Variants in WNT7A observed in about 807,000 individuals in gnomAD.
WNT7A encodes protein Wnt-7a.
WNT7A carries 16 observed loss-of-function variants against 28.2 expected under a neutral mutation model. The observed-to-expected ratio is 0.57, with a 90% CI of 0.38 to 0.86. The LOEUF is 0.86. Among genes scored for constraint, WNT7A ranks in the 40% least tolerant of loss-of-function variants. WNT7A has a pLI of 0.00. For synonymous variants in WNT7A, 190 were observed against 195.9 expected, an observed-to-expected ratio of 0.97 and a Z score of 0.25; for missense variants, 411 against 489.7, an observed-to-expected ratio of 0.84 and a Z score of 1.52.
At chr3:13,862,077 CCT>C (rs1694840096) in intron 2 of WNT7A, among the ~76,000 whole-genome samples, 1 of 152,236 alleles carries the variant, frequency 6.6e-6, no homozygotes. Context: ...AAGGACTCTG[CCT>C]CTCTGAGTCT....
chr3:13,846,473 T>G (rs1694539845), intron 3 of WNT7A, among the ~76,000 whole-genome samples: 1 of 152,224 alleles, frequency 6.6e-6, no homozygotes, highest in African/African-American at 2.4e-5. Context: ...TTAACCTCTC[T>G]GTGCTTCCGT....
chr3:13,857,695 G>A (rs41344949), intron 2 of WNT7A, among the ~76,000 whole-genome samples: 4,143 of 152,022 alleles, frequency 0.027, 176 homozygotes, highest in South Asian at 0.18. Context: ...GCTCACACTC[G>A]AGAGTATCAA....
intron 3 of WNT7A, among the ~76,000 whole-genome samples, chr3:13,841,997 G>A (rs1259110594): frequency 1.3e-5 from 2 of 152,098 alleles, no homozygotes; most frequent in Admixed American, 6.6e-5. Flanking sequence ...AGGGACCTGG[G>A]GCAGGGACAT....
chr3:13,856,043 C>T (rs758007783), intron 2 of WNT7A, among the ~76,000 whole-genome samples: 28 of 152,306 alleles, frequency 1.8e-4, no homozygotes, highest in Middle Eastern at 3.4e-3. Flanking sequence ...GAGACAGACA[C>T]AAACAACTTG....
chr3:13,833,074 A>AC (rs1041395567), intron 3 of WNT7A, among the ~76,000 whole-genome samples: 2 of 150,774 alleles, frequency 1.3e-5, no homozygotes, highest in South Asian at 4.2e-4. Context: ...CTAGGCTCCT[A>AC]CCCCCCCAGT....
chr3:13,854,885 G>C, intron 2 of WNT7A, 82 bp from the exon 3 acceptor site: 1 of 1,577,898 alleles, frequency 6.3e-7, no homozygotes, highest in Admixed American at 1.7e-5. Context: ...TGAAGAGTGA[G>C]GCTGAGCTCA....
chr3:13,879,709 T>C, intron 1 of WNT7A, 37 bp downstream of exon 1: 1 of 1,606,808 alleles, frequency 6.2e-7, no homozygotes, highest in Non-Finnish European at 8.5e-7. Context: ...GCCAACTTTG[T>C]CGAAACACGC....
intron 3 of WNT7A, among the ~76,000 whole-genome samples, chr3:13,825,480 C>G (rs540968156): frequency 9.2e-5 from 14 of 152,310 alleles, no homozygotes; most frequent in African/African-American, 3.4e-4. Flanking sequence ...AACAAAAAGC[C>G]CTGTTACGTA....
chr3:13,874,828 C>A (rs1695079454), intron 2 of WNT7A, 119 bp downstream of exon 2: 1 of 1,037,562 alleles, frequency 9.6e-7, no homozygotes, highest in Non-Finnish European at 1.5e-6. Flanking sequence ...ACCTGCAGGA[C>A]CCCATACTGA....
intron 2 of WNT7A, 34 bp from the exon 3 acceptor site, chr3:13,854,837 G>A (rs1315337681): frequency 8.1e-6 from 13 of 1,609,492 alleles, no homozygotes; most frequent in Non-Finnish European, 1.1e-5. Flanking sequence ...ACAAGTTGGG[G>A]TCAGGTCCCA....
chr3:13,839,396 G>T (rs555705119), intron 3 of WNT7A, among the ~76,000 whole-genome samples: 17 of 152,358 alleles, frequency 1.1e-4, no homozygotes, highest in Non-Finnish European at 2.2e-4. Context: ...AGCCCAGCCC[G>T]TAACAGGTGA....
intron 2 of WNT7A, among the ~76,000 whole-genome samples, chr3:13,864,416 C>T (rs1306484973): frequency 6.6e-6 from 1 of 152,148 alleles, no homozygotes; most frequent in Non-Finnish European, 1.5e-5. Context: ...TCTGCGTCGC[C>T]CAGCCAAGCC....
At chr3:13,867,970 G>A (rs947038643) in intron 2 of WNT7A, among the ~76,000 whole-genome samples, 1 of 152,206 alleles carries the variant, frequency 6.6e-6, no homozygotes, top group Non-Finnish European at 1.5e-5. Context: ...CAGCGGGGGA[G>A]GAGCTTGGCA....
intron 2 of WNT7A, among the ~76,000 whole-genome samples, chr3:13,866,014 TG>T (rs1201441691): frequency 6.6e-6 from 1 of 152,222 alleles, no homozygotes; most frequent in Non-Finnish European, 1.5e-5. Flanking sequence ...GAAGACCTCC[TG>T]GAGGAGGTGG....
chr3:13,828,348 C>A (rs1398607347), intron 3 of WNT7A, among the ~76,000 whole-genome samples: 1 of 152,212 alleles, frequency 6.6e-6, no homozygotes, highest in African/African-American at 2.4e-5. Flanking sequence ...GGGGTGCATG[C>A]AGCTGGGTCC....
At chr3:13,855,816 G>A (rs1048231480) in intron 2 of WNT7A, among the ~76,000 whole-genome samples, 1 of 152,180 alleles carries the variant, frequency 6.6e-6, no homozygotes, top group African/African-American at 2.4e-5. Flanking sequence ...TTCAGGGAAG[G>A]CACCTGGAAG....
At position 13,828,934 on chromosome 3, in the gene WNT7A, CTGGTGA is replaced by C. The variant is rs368732669; in HGVS notation, c.571-9517_571-9512del. 4.0e-3 allele frequency among the ~76,000 whole-genome samples: 611 copies of C among 152,318 alleles called. 8 individuals carry two copies. The highest frequency in any genetic ancestry group is 0.014 in the African/African-American group (564 of 41,568). On this transcript the variant is annotated intron_variant, in intron 3 of 3. Coordinates refer to ENST00000285018, the MANE Select transcript of WNT7A (RefSeq NM_004625.4). Reference sequence around the variant, plus strand: ...CAAATCCCATCCCTGCCACCACATGCTGGTGATGGCAGAAATGGCCCAAGGGAACAT... The same window carrying C: ...CAAATCCCATCCCTGCCACCACATGCTGGCAGAAATGGCCCAAGGGAACAT...
chr3:13,840,518 A>G (rs758881691), intron 3 of WNT7A, among the ~76,000 whole-genome samples: 1 of 152,164 alleles, frequency 6.6e-6, no homozygotes, highest in Non-Finnish European at 1.5e-5. Context: ...CTCACTGGGA[A>G]AATGTCCAAC....
chr3:13,825,227 G>C (rs1694175018), intron 3 of WNT7A, among the ~76,000 whole-genome samples: 2 of 152,194 alleles, frequency 1.3e-5, no homozygotes, highest in Admixed American at 1.3e-4. Context: ...TGTAGTGTTT[G>C]AATATTCTGC....
Sources: gnomAD v4.1 joint callset for allele counts (sites outside exome capture counted in the v4.1 genomes callset) on GRCh38, gnomAD v4.1.1 for gene constraint, MANE v1.5 for transcripts, NCBI Gene and HGNC (gene_info 2026-07-23, HGNC 2026-07-21) for gene names.